The following OSBP2 variants were observed in gnomAD, a reference collection of about 807,000 sequenced individuals.
OSBP2 encodes the protein oxysterol-binding protein 2.
Under a neutral mutation model 96.0 loss-of-function variants are expected in OSBP2, and 66 were observed. The observed-to-expected ratio is 0.69, with a 90% CI of 0.56 to 0.84. The LOEUF (loss-of-function observed/expected upper bound fraction) is 0.84. Ranked by LOEUF, OSBP2 falls within the 40% of genes least tolerant of loss-of-function variation. The pLI is 0.00. For synonymous variants in OSBP2, 525 were observed against 520.9 expected, an observed-to-expected ratio of 1.01 and a Z score of -0.11; for missense variants, 1,038 against 1,222.7, an observed-to-expected ratio of 0.85 and a Z score of 2.25.
intron 3 of OSBP2, among the ~76,000 whole-genome samples, chr22:30,874,991 C>T (rs771444855): frequency 1.4e-4 from 22 of 152,204 alleles, no homozygotes; most frequent in Admixed American, 9.2e-4. Flanking sequence ...GTCTTACTCA[C>T]GGGTGTCCCC....
chr22:30,707,201 A>G (rs1377056527), intron 1 of OSBP2, among the ~76,000 whole-genome samples: 1 of 151,990 alleles, frequency 6.6e-6, no homozygotes, highest in Non-Finnish European at 1.5e-5. Flanking sequence ...TGTTCAAGCA[A>G]TTCTTCTGCC....
intron 2 of OSBP2, among the ~76,000 whole-genome samples, chr22:30,760,125 C>G (rs1300729746): frequency 1.3e-5 from 2 of 151,546 alleles, no homozygotes; most frequent in Non-Finnish European, 2.9e-5. Flanking sequence ...GCCTTGGTCT[C>G]CCAAAGTGCT....
chr22:30,730,756 CTCTCT>C (rs2089745066), intron 1 of OSBP2, among the ~76,000 whole-genome samples: 1 of 44,898 alleles, frequency 2.2e-5, no homozygotes, highest in Non-Finnish European at 4.3e-5. Flanking sequence ...CTCTCTCTCT[CTCTCT>C]CTCTCTCTCT....
chr22:30,713,529 C>G (rs1049096320), intron 1 of OSBP2, among the ~76,000 whole-genome samples: 1 of 151,998 alleles, frequency 6.6e-6, no homozygotes, highest in Non-Finnish European at 1.5e-5. Context: ...GGCATGATTA[C>G]AGCTCATTGC....
In OSBP2 at chr22:30,887,637, C is replaced by T; in HGVS notation, c.1300+19C>T. 1 of 1,560,582 alleles carries T rather than the reference C, an allele frequency of 6.4e-7. No individual in the cohort carries two copies. ...ATTGAGGGTGAGTGGGCAGCCAGGG[C>T]AGGGCTGTCCCATGACCTTCTGCCA... On this transcript the variant is annotated intron_variant, in intron 4 of 13. Coordinates refer to ENST00000332585, the MANE Select transcript of OSBP2 (RefSeq NM_030758.4).
At chr22:30,828,490 G>A (rs183475147) in intron 2 of OSBP2, among the ~76,000 whole-genome samples, 33 of 152,350 alleles carry the variant, frequency 2.2e-4, no homozygotes, top group Admixed American at 2.0e-3. Flanking sequence ...GAGTCCAGGA[G>A]GCGCTGGCCA....
At chr22:30,717,930 A>G (rs2089489645) in intron 1 of OSBP2, among the ~76,000 whole-genome samples, 1 of 152,192 alleles carries the variant, frequency 6.6e-6, no homozygotes, top group Admixed American at 6.5e-5. Context: ...AAGCAACTTC[A>G]AAACACATTG....
intron 2 of OSBP2, among the ~76,000 whole-genome samples, chr22:30,799,542 C>T (rs113515540): frequency 4.8e-4 from 73 of 152,356 alleles, no homozygotes; most frequent in African/African-American, 1.7e-3. Flanking sequence ...AGACAAAGGG[C>T]AACTTGCCCT....
chr22:30,862,293 G>T (rs1173210647), intron 2 of OSBP2, among the ~76,000 whole-genome samples: 1 of 152,190 alleles, frequency 6.6e-6, no homozygotes, highest in Non-Finnish European at 1.5e-5. Context: ...TGGGCAGGGG[G>T]CCCACCTGGT....
At chr22:30,808,512 A>G (rs1000638006) in intron 2 of OSBP2, among the ~76,000 whole-genome samples, 4 of 152,312 alleles carry the variant, frequency 2.6e-5, no homozygotes, top group African/African-American at 9.6e-5. Context: ...GTCTCAAAAG[A>G]AAAACAAAAG....
At chr22:30,724,846 C>A (rs1372697915) in intron 1 of OSBP2, among the ~76,000 whole-genome samples, 1 of 152,136 alleles carries the variant, frequency 6.6e-6, no homozygotes, top group African/African-American at 2.4e-5. Flanking sequence ...TCCCAGTGTG[C>A]TCCATGGAAA....
At chr22:30,717,039 C>T (rs148269921) in intron 1 of OSBP2, among the ~76,000 whole-genome samples, 3 of 150,164 alleles carry the variant, frequency 2.0e-5, no homozygotes, top group South Asian at 4.2e-4. Context: ...AGGAGTTGTA[C>T]AGATGTTACA....
At chr22:30,742,190 T>C (rs1363645359) in intron 2 of OSBP2, among the ~76,000 whole-genome samples, 4 of 150,184 alleles carry the variant, frequency 2.7e-5, no homozygotes, top group African/African-American at 9.8e-5. Flanking sequence ...CCCAGCACTT[T>C]GGGAGGCTGC....
At chr22:30,825,216 G>A (rs2038372157) in intron 2 of OSBP2, among the ~76,000 whole-genome samples, 1 of 152,186 alleles carries the variant, frequency 6.6e-6, no homozygotes, top group Non-Finnish European at 1.5e-5. Context: ...GGCTGGGCAT[G>A]GTGGTTCATG....
chr22:30,815,127 G>A (rs1207213394), intron 2 of OSBP2, among the ~76,000 whole-genome samples: 1 of 152,144 alleles, frequency 6.6e-6, no homozygotes. Flanking sequence ...ACAAAAAAAT[G>A]CAAAACTTAG....
At position 30,890,890 on chromosome 22, in the gene OSBP2, G is replaced by A. The variant is rs776598212; in HGVS notation, c.1786G>A (p.Ala596Thr). 25 of 1,613,390 alleles carry A rather than the reference G, an allele frequency of 1.5e-5. No individual in the cohort carries two copies. Among genetic ancestry groups the A allele is most frequent in the East Asian group, 2.2e-5 (1 of 44,894 alleles). The stretch of plus-strand genomic sequence containing the variant: ...CTACTCCACCACAGTGCACCGCATC[G>A]CCAAGCCCTTCAACCCCATGCTGGG... ...SSYSTTVHRI[A>T]KPFNPMLGET... is the part of the protein sequence containing the mutation. The change falls in exon 8 of 14, where the codon GCC becomes ACC. Residue 596 changes from alanine to threonine, a missense_variant. Coordinates refer to ENST00000332585, the MANE Select transcript of OSBP2 (RefSeq NM_030758.4). This position sits in a 1 kb window ranked among gnomAD's most constrained non-coding sequence, Gnocchi z 4.4.
chr22:30,835,974 C>T (rs1275054100), intron 2 of OSBP2, among the ~76,000 whole-genome samples: 1 of 152,082 alleles, frequency 6.6e-6, no homozygotes, highest in Non-Finnish European at 1.5e-5. Context: ...CTGCCTTGGC[C>T]TTCCAAATGC....
chr22:30,779,493 A>G (rs915044618), intron 2 of OSBP2, among the ~76,000 whole-genome samples: 1 of 152,080 alleles, frequency 6.6e-6, no homozygotes, highest in African/African-American at 2.4e-5. Flanking sequence ...ACCATTATTC[A>G]TATACTGAGG....
In OSBP2 at chr22:30,881,704, AC is replaced by A. The variant is rs1569163831; in HGVS notation, c.1108-5721del. 7.7e-7 allele frequency: 1 copy of A among 1,304,070 alleles called. No individual in the cohort carries two copies. The highest frequency in any genetic ancestry group is 2.3e-5 in the Admixed American group (1 of 43,576). The allele number at this position is 1,304,070 out of a possible 1,614,324, so 80.8% of individuals were successfully genotyped here. A position where few individuals can be genotyped will look rare whatever the true frequency, so the allele number is the denominator to read the frequency against. On this transcript the variant is annotated intron_variant, in intron 3 of 13. Transcript: ENST00000332585. This position sits in a 1 kb window ranked among gnomAD's most constrained non-coding sequence, Gnocchi z 4.5. ...TCAGCATTCTGAGAACAGCAGGGCC[AC>A]GCCAGGCGCCTGCCTCTCCCCACAG...
Sources: allele counts gnomAD v4.1 joint callset (sites outside exome capture counted in the v4.1 genomes callset), GRCh38; gene constraint gnomAD v4.1.1; non-coding constraint Gnocchi (gnomAD v3.1); transcripts MANE v1.5; gene names NCBI Gene and HGNC (gene_info 2026-07-23, HGNC 2026-07-21).